CFAP77: variants seen among roughly 807,000 people sequenced by gnomAD.
CFAP77 encodes cilia- and flagella-associated protein 77.
A neutral mutation model predicts 31.1 loss-of-function variants in CFAP77; 25 were observed. The ratio of observed to expected loss-of-function variants is 0.80; its 90% CI spans 0.59 to 1.12. CFAP77 has a LOEUF of 1.12. Among genes scored for constraint, CFAP77 ranks in the 50% most tolerant of loss-of-function variants. The pLI is 0.00. For synonymous variants in CFAP77, 151 were observed against 159.9 expected, an observed-to-expected ratio of 0.94 and a Z score of 0.42; for missense variants, 377 against 397.3, an observed-to-expected ratio of 0.95 and a Z score of 0.44.
At chr9:132,569,174 G>A (rs1013755490) in intron 5 of CFAP77, among the ~76,000 whole-genome samples, 2 of 152,124 alleles carry the variant, frequency 1.3e-5, no homozygotes, top group African/African-American at 4.8e-5. Flanking sequence ...GAGGCCAAGG[G>A]AGGAGGATCA....
chr9:132,544,103 T>C (rs548697772), intron 5 of CFAP77, among the ~76,000 whole-genome samples: 1 of 152,374 alleles, frequency 6.6e-6, no homozygotes, highest in African/African-American at 2.4e-5. Flanking sequence ...GGTGCCTTTC[T>C]GAGCCTAATG....
intron 1 of CFAP77, among the ~76,000 whole-genome samples, chr9:132,451,244 A>G (rs1470163386): frequency 6.6e-6 from 1 of 152,004 alleles, no homozygotes; most frequent in East Asian, 1.9e-4. Context: ...AGGCTGAGGC[A>G]GGAGAATTGC....
In CFAP77 at chr9:132,478,687, T is replaced by C. The variant is rs537946819; in HGVS notation, c.196-20008T>C. ...GACGAGGAGGGGACTCAGAATCTAA[T>C]GAAGAGGAGAGGGCTGGGGCCGGAG... On this transcript the variant is annotated intron_variant, in intron 1 of 5. Transcript: ENST00000393216. Among the ~76,000 whole-genome samples the C allele has an allele frequency of 6.6e-5, 10 of 152,286 alleles. No homozygotes were observed. The South Asian group carries it at 2.1e-3, about 32-fold the overall frequency.
chr9:132,500,477 G>A (rs748189512), intron 3 of CFAP77, among the ~76,000 whole-genome samples: 1 of 152,234 alleles, frequency 6.6e-6, no homozygotes, highest in Non-Finnish European at 1.5e-5. Flanking sequence ...ATGATGTAAT[G>A]TGAGTTGTAG....
intron 5 of CFAP77, 101 bp from the exon 6 acceptor site, chr9:132,572,287 C>T: frequency 7.3e-7 from 1 of 1,372,690 alleles, no homozygotes; most frequent in Non-Finnish European, 9.9e-7. Context: ...CTATTTTTAT[C>T]ATTATTCTAA....
chr9:132,467,043 T>G (rs1263865286), intron 1 of CFAP77, among the ~76,000 whole-genome samples: 1 of 152,094 alleles, frequency 6.6e-6, no homozygotes, highest in Non-Finnish European at 1.5e-5. Flanking sequence ...CCAGGCGTGG[T>G]GGCATACGCC....
In CFAP77 at chr9:132,572,407, C is replaced by T. The variant is rs753048163; in HGVS notation, c.752C>T (p.Thr251Met). The T allele has an allele frequency of 2.4e-5, 39 of 1,613,364 alleles. No individual in the cohort carries two copies. Among genetic ancestry groups the T allele is most frequent in the Middle Eastern group, 3.3e-4 (2 of 6,082 alleles). Residue 251 changes from threonine (T) to methionine (M), a missense_variant, in exon 6 of 6, where the codon ACG (threonine) becomes ATG (methionine). By Grantham distance (81) the Thr-to-Met change is moderately conservative (BLOSUM62 -1). Transcript: ENST00000393216. ...HFQKVGRHLDTFPTEADRQRA... is the reference protein window; with the variant it reads ...HFQKVGRHLDMFPTEADRQRA... The stretch of plus-strand genomic sequence containing the variant: ...CCACAGGTGGGCCGCCACCTTGATA[C>T]GTTCCCCACGGAGGCCGATCGCCAG...
At chr9:132,494,786 C>T (rs1851713579) in intron 1 of CFAP77, among the ~76,000 whole-genome samples, 1 of 152,222 alleles carries the variant, frequency 6.6e-6, no homozygotes, top group African/African-American at 2.4e-5. Context: ...GACACCTTGA[C>T]ATATGTATGG....
chr9:132,481,683 T>A lies in CFAP77; in HGVS notation c.196-17012T>A, dbSNP rs996837408. On this transcript the variant is annotated intron_variant, in intron 1 of 5. Transcript: ENST00000393216. The surrounding 1 kb of genome is among the most constrained non-coding windows in gnomAD (Gnocchi z 5.0). ...CCTGTCCTCCAGCCTCCCAGCTTTGTGCTGAAATGAAGAGCCGCCGCTTCC... is the reference window on the plus strand; with the variant it reads ...CCTGTCCTCCAGCCTCCCAGCTTTGAGCTGAAATGAAGAGCCGCCGCTTCC... Among the ~76,000 whole-genome samples the A allele has an allele frequency of 6.6e-5, 10 of 152,188 alleles. No homozygotes were observed. The highest frequency in any genetic ancestry group is 2.4e-4 in the African/African-American group (10 of 41,446).
intron 1 of CFAP77, among the ~76,000 whole-genome samples, chr9:132,454,119 A>G (rs1850875196): frequency 6.6e-6 from 1 of 152,084 alleles, no homozygotes; most frequent in South Asian, 2.1e-4. Flanking sequence ...TGTGTTTTGT[A>G]TGCAATAAAC....
chr9:132,541,758 T>C (rs1852646541), intron 4 of CFAP77, among the ~76,000 whole-genome samples: 4 of 152,182 alleles, frequency 2.6e-5, no homozygotes, highest in Admixed American at 6.5e-5. Context: ...TTGTAAGTGA[T>C]CCACAGACAC....
chr9:132,558,070 T>C (rs886236911), intron 5 of CFAP77, among the ~76,000 whole-genome samples: 2 of 152,156 alleles, frequency 1.3e-5, no homozygotes, highest in Admixed American at 6.5e-5. Context: ...GTAACAGAGG[T>C]TGGCCATCAG....
intron 1 of CFAP77, among the ~76,000 whole-genome samples, chr9:132,487,362 GC>G (rs1851579868): frequency 6.6e-6 from 1 of 152,112 alleles, no homozygotes; most frequent in Non-Finnish European, 1.5e-5. Context: ...CCAGCCACCA[GC>G]CGTCATCTTA....
intron 1 of CFAP77, among the ~76,000 whole-genome samples, chr9:132,470,673 G>A (rs968893831): frequency 2.6e-5 from 4 of 152,224 alleles, no homozygotes; most frequent in East Asian, 1.9e-4. Context: ...TAGAGCCATC[G>A]CAGGCTCTGG....
chr9:132,538,909 A>G (rs1211087733), intron 4 of CFAP77, among the ~76,000 whole-genome samples: 2 of 151,918 alleles, frequency 1.3e-5, no homozygotes, highest in African/African-American at 2.4e-5. Flanking sequence ...AACACGGTGA[A>G]ACCCCGTCTC....
chr9:132,437,761 T>C (rs1169501715), intron 1 of CFAP77, among the ~76,000 whole-genome samples: 1 of 151,388 alleles, frequency 6.6e-6, no homozygotes, highest in East Asian at 2.0e-4. Flanking sequence ...TCTGCCCGTC[T>C]TGGGCTCCCA....
intron 1 of CFAP77, among the ~76,000 whole-genome samples, chr9:132,419,003 A>G (rs1298829321): frequency 6.6e-6 from 1 of 152,192 alleles, no homozygotes; most frequent in Non-Finnish European, 1.5e-5. Context: ...TAAAGAAAAC[A>G]GCTGTATTTT....
At chr9:132,561,316 A>AT (rs111926783) in intron 5 of CFAP77, among the ~76,000 whole-genome samples, 121 of 144,696 alleles carry the variant, frequency 8.4e-4, no homozygotes, top group South Asian at 3.1e-3. Context: ...GCCTGTCATT[A>AT]TTTTTTTTTT....
intron 3 of CFAP77, among the ~76,000 whole-genome samples, chr9:132,521,778 T>TTTTTTTTTG (rs533275755): frequency 0.077 from 8,192 of 105,910 alleles, 531 homozygotes; most frequent in African/African-American, 0.12. Flanking sequence ...TTTTTTTTTT[T>TTTTTTTTTG]TTTTTTGAGA....
Sources: gnomAD v4.1 joint callset for allele counts (sites outside exome capture counted in the v4.1 genomes callset) on GRCh38, gnomAD v4.1.1 for gene constraint, Gnocchi (gnomAD v3.1) non-coding constraint, MANE v1.5 for transcripts, NCBI Gene and HGNC (gene_info 2026-07-23, HGNC 2026-07-21) for gene names.